The following FOXO1 variants were observed in gnomAD, a reference collection of about 807,000 sequenced individuals.
The protein encoded by FOXO1 is forkhead box protein O1.
FOXO1 carries 6 observed loss-of-function variants against 44.1 expected under a neutral mutation model. That is an observed-to-expected ratio of 0.14 (90% CI 0.07 to 0.27). FOXO1 has a LOEUF of 0.27. FOXO1 is among the 10% of genes least tolerant of loss of function. The pLI, the probability that FOXO1 is intolerant of heterozygous loss-of-function variation, is 1.00. For synonymous variants in FOXO1, 380 were observed against 362.7 expected, an observed-to-expected ratio of 1.05 and a Z score of -0.54; for missense variants, 737 against 888.8, an observed-to-expected ratio of 0.83 and a Z score of 2.17.
At chr13:40,631,158 G>C (rs935858438) in intron 1 of FOXO1, among the ~76,000 whole-genome samples, 1 of 152,190 alleles carries the variant, frequency 6.6e-6, no homozygotes, top group Admixed American at 6.5e-5. Flanking sequence ...GCAGGGTGGA[G>C]TGGCAGCATT....
In FOXO1 at chr13:40,633,615, G is replaced by A. The variant is rs115956796; in HGVS notation, c.630+31968C>T. On this transcript the variant is annotated intron_variant, in intron 1 of 2. Transcript: ENST00000379561. ...AGTAAATGCAGGTTAGGGAGATATGGGAAGAATGGGGAGTGACTGGTAGTA... is the reference window on the plus strand; with the variant it reads ...AGTAAATGCAGGTTAGGGAGATATGAGAAGAATGGGGAGTGACTGGTAGTA... Among the ~76,000 whole-genome samples the A allele has an allele frequency of 2.3e-3, 343 of 152,214 alleles. 1 individual carries two copies. The highest frequency in any genetic ancestry group is 7.8e-3 in the African/African-American group (323 of 41,540).
At chr13:40,624,433 A>G (rs570139854) in intron 1 of FOXO1, among the ~76,000 whole-genome samples, 1 of 151,964 alleles carries the variant, frequency 6.6e-6, no homozygotes, top group South Asian at 2.1e-4. Context: ...GCTTTGCTTT[A>G]TAACATCTAA....
chr13:40,563,999 G>A (rs766420842), intron 1 of FOXO1, among the ~76,000 whole-genome samples: 5 of 152,154 alleles, frequency 3.3e-5, no homozygotes, highest in South Asian at 2.1e-4. Context: ...GATAAGCTCC[G>A]ATGAAATCTC....
chr13:40,665,767 G>A lies in FOXO1; in HGVS notation c.446C>T (p.Pro149Leu). The stretch of plus-strand genomic sequence containing the variant: ...GCGGCGGGACGAGCTGCTCTTGCGC[G>A]GCTGCCCCGCGAGCGGCCCAGCGGC... Reference protein sequence around the residue: ...PAAAGPLAGQPRKSSSSRRNA... With the variant: ...PAAAGPLAGQLRKSSSSRRNA... The change falls in exon 1 of 3, where the codon CCG becomes CTG. Residue 149 changes from proline (P) to leucine (L), a missense_variant. Coordinates refer to ENST00000379561, the MANE Select transcript of FOXO1 (RefSeq NM_002015.4). 1.5e-6 allele frequency: 2 copies of A among 1,358,834 alleles called. No individual in the cohort carries two copies. Among genetic ancestry groups the A allele is most frequent in the South Asian group, 3.8e-5 (2 of 52,684 alleles). The allele number at this position is 1,358,834 out of a possible 1,614,324, so 84.2% of individuals were successfully genotyped here. A position where few individuals can be genotyped will look rare whatever the true frequency, so the allele number is the denominator to read the frequency against.
chr13:40,598,866 T>C (rs1170045214), intron 1 of FOXO1, among the ~76,000 whole-genome samples: 3 of 152,238 alleles, frequency 2.0e-5, no homozygotes, highest in Non-Finnish European at 4.4e-5. Flanking sequence ...AAATGGTTTA[T>C]TATTTCATTT....
At chr13:40,582,982 A>C (rs1875014126) in intron 1 of FOXO1, among the ~76,000 whole-genome samples, 1 of 152,224 alleles carries the variant, frequency 6.6e-6, no homozygotes, top group Non-Finnish European at 1.5e-5. Flanking sequence ...TTGGGCCTTA[A>C]TAAAATATAT....
intron 1 of FOXO1, among the ~76,000 whole-genome samples, chr13:40,591,425 T>A (rs536299072): frequency 6.6e-6 from 1 of 152,154 alleles, no homozygotes; most frequent in South Asian, 2.1e-4. Context: ...TTGGTGCAAT[T>A]GAATTTTGAG....
intron 1 of FOXO1, among the ~76,000 whole-genome samples, chr13:40,659,459 C>T (rs1424472142): frequency 6.6e-6 from 1 of 151,736 alleles, no homozygotes; most frequent in African/African-American, 2.4e-5. Context: ...AACAGCTCTC[C>T]CTTGATTTTT....
intron 1 of FOXO1, among the ~76,000 whole-genome samples, chr13:40,595,691 TTCCTTGAACACAGAATCTCCA>T (rs1441580184): frequency 1.3e-5 from 2 of 152,290 alleles, no homozygotes; most frequent in South Asian, 4.2e-4. Flanking sequence ...TTTCCTCTGA[TTCCTTGAACACAGAATCTCCA>T]TCCTTGAACG....
At chr13:40,597,286 A>G (rs1045801122) in intron 1 of FOXO1, among the ~76,000 whole-genome samples, 3 of 152,216 alleles carry the variant, frequency 2.0e-5, no homozygotes, top group South Asian at 2.1e-4. Context: ...GACAAAGGCT[A>G]TTGGAGTTTG....
intron 1 of FOXO1, among the ~76,000 whole-genome samples, chr13:40,591,706 T>A (rs1432290213): frequency 6.6e-6 from 1 of 152,116 alleles, no homozygotes; most frequent in Non-Finnish European, 1.5e-5. Flanking sequence ...CTACTAAAAA[T>A]ATATATATTT....
At chr13:40,577,503 G>A (rs950291132) in intron 1 of FOXO1, among the ~76,000 whole-genome samples, 3 of 152,162 alleles carry the variant, frequency 2.0e-5, no homozygotes, top group African/African-American at 7.2e-5. Context: ...ATGGGTCACA[G>A]AGTCTAATAC....
intron 1 of FOXO1, among the ~76,000 whole-genome samples, chr13:40,627,531 G>A (rs1460094527): frequency 1.3e-5 from 2 of 152,114 alleles, no homozygotes; most frequent in Non-Finnish European, 2.9e-5. Flanking sequence ...AAAAAATACT[G>A]TATTAACAAT....
chr13:40,608,220 T>C (rs1013221708), intron 1 of FOXO1, among the ~76,000 whole-genome samples: 1 of 152,266 alleles, frequency 6.6e-6, no homozygotes, highest in African/African-American at 2.4e-5. Flanking sequence ...TGTATTTCTA[T>C]GGCCTCTTGT....
intron 1 of FOXO1, among the ~76,000 whole-genome samples, chr13:40,646,510 G>C (rs546464795): frequency 6.6e-6 from 1 of 152,010 alleles, no homozygotes; most frequent in Admixed American, 6.5e-5. Context: ...TCTAAAAGGT[G>C]AATATTATAA....
At position 40,560,088 on chromosome 13, in the gene FOXO1, G is replaced by A. The variant is rs1873930943; in HGVS notation, c.1403C>T (p.Ser468Phe). The change falls in exon 2 of 3, where the codon TCT becomes TTT. Residue 468 changes from serine to phenylalanine, a missense_variant. Ser to Phe is a radical substitution (Grantham distance 155). This residue lies in a region of FOXO1 where 283 missense variants were observed against 278.1 expected (regional missense o/e 1.02). Transcript: ENST00000379561. This position sits in a 1 kb window ranked among gnomAD's most constrained non-coding sequence, Gnocchi z 5.1. ...APGLLKELLT[S>F]DSPPHNDIMT... ...AATGTCATTATGGGGAGGAGAGTCAGAAGTCAGCAACTCCTTCAAGAGTCC... is the reference window on the plus strand; with the variant it reads ...AATGTCATTATGGGGAGGAGAGTCAAAAGTCAGCAACTCCTTCAAGAGTCC... 6.2e-7 allele frequency: 1 copy of A among 1,614,076 alleles called. No individual in the cohort carries two copies. The highest frequency in any genetic ancestry group is 1.3e-5 in the African/African-American group (1 of 74,924).
intron 1 of FOXO1, among the ~76,000 whole-genome samples, chr13:40,652,147 G>C (rs993789748): frequency 1.3e-5 from 2 of 152,176 alleles, no homozygotes; most frequent in Admixed American, 6.5e-5. Context: ...CCGTTTAGGA[G>C]GTAGCCCTGC....
chr13:40,607,452 C>T (rs1235404267), intron 1 of FOXO1, among the ~76,000 whole-genome samples: 2 of 151,658 alleles, frequency 1.3e-5, no homozygotes, highest in African/African-American at 2.4e-5. Flanking sequence ...TACTAATTTC[C>T]CACTTGGGGT....
chr13:40,651,085 T>A (rs9577089), intron 1 of FOXO1, among the ~76,000 whole-genome samples: 1 of 103,284 alleles, frequency 9.7e-6, no homozygotes, highest in Non-Finnish European at 1.8e-5. Context: ...GTTTTTTTGG[T>A]TTTTTGTTTT....
Sources: allele counts gnomAD v4.1 joint callset (sites outside exome capture counted in the v4.1 genomes callset), GRCh38; gene constraint gnomAD v4.1.1; regional missense constraint gnomAD v4.1.1; non-coding constraint Gnocchi (gnomAD v3.1); transcripts MANE v1.5; gene names NCBI Gene and HGNC (gene_info 2026-07-23, HGNC 2026-07-21).